The following ZBTB8A variants were observed in gnomAD, a reference collection of about 807,000 sequenced individuals.
ZBTB8A encodes the protein zinc finger and BTB domain containing 8A.
In ZBTB8A, 19 loss-of-function variants were observed where a neutral mutation model predicts 37.8. The ratio of observed to expected loss-of-function variants is 0.50; its 90% confidence interval spans 0.35 to 0.74. The LOEUF (loss-of-function observed/expected upper bound fraction) is 0.74. Ranked by LOEUF, ZBTB8A falls within the 30% of genes least tolerant of loss-of-function variation. The probability of loss-of-function intolerance (pLI) is 0.01; values close to 1 mark genes in which losing one functional copy is unlikely to be tolerated. For synonymous variants in ZBTB8A, 181 were observed against 185.2 expected, an observed-to-expected ratio of 0.98 and a Z score of 0.19; for missense variants, 394 against 537.8, an observed-to-expected ratio of 0.73 and a Z score of 2.65.
intron 2 of ZBTB8A, among the ~76,000 whole-genome samples, chr1:32,591,172 G>A (rs1038115463): frequency 2.7e-5 from 4 of 150,612 alleles, no homozygotes; most frequent in African/African-American, 4.9e-5. Context: ...GCCTCCCAAA[G>A]TGCTAGGATT....
chr1:32,584,417 C>A (rs572079819), intron 2 of ZBTB8A, among the ~76,000 whole-genome samples: 7 of 150,704 alleles, frequency 4.6e-5, no homozygotes, highest in Non-Finnish European at 8.8e-5. Context: ...CACTAATTTA[C>A]GATTTTTTAA....
intron 1 of ZBTB8A, among the ~76,000 whole-genome samples, chr1:32,541,308 C>A (rs1241885314): frequency 6.6e-6 from 1 of 152,126 alleles, no homozygotes; most frequent in Non-Finnish European, 1.5e-5. Flanking sequence ...ATCTGCTTTC[C>A]CTTTCTGACT....
In ZBTB8A at chr1:32,603,988, T is replaced by C. The variant is rs779132057; in HGVS notation, c.*3569T>C. Reference sequence around the variant, plus strand: ...TCTATTGATGATTGAGAAAATTGAATTCTTTGGTTTTTACATGTGGGCAAA... The same window carrying C: ...TCTATTGATGATTGAGAAAATTGAACTCTTTGGTTTTTACATGTGGGCAAA... On this transcript the variant is annotated 3_prime_UTR_variant, in exon 5 of 5. Coordinates refer to ENST00000373510, the MANE Select transcript of ZBTB8A (RefSeq NM_001040441.3). 3.9e-5 allele frequency: 6 copies of C among 152,338 alleles called. 1 individual carries two copies. The highest frequency in any genetic ancestry group is 6.8e-3 in the Middle Eastern group (2 of 294). 9.4% of individuals were successfully genotyped at this position (152,338 alleles called of 1,614,324 possible). A position where few individuals can be genotyped will look rare whatever the true frequency, so the allele number is the denominator to read the frequency against.
At chr1:32,573,661 T>C (rs1420860853) in intron 2 of ZBTB8A, among the ~76,000 whole-genome samples, 1 of 146,676 alleles carries the variant, frequency 6.8e-6, no homozygotes, top group African/African-American at 2.5e-5. Context: ...CTCGAACTCC[T>C]GGGCTCAAGT....
intron 2 of ZBTB8A, among the ~76,000 whole-genome samples, chr1:32,584,812 G>T (rs901996308): frequency 6.6e-6 from 1 of 150,886 alleles, no homozygotes; most frequent in African/African-American, 2.4e-5. Context: ...AAGCCACCAT[G>T]CCCAGCCTAA....
At chr1:32,569,983 T>C (rs1468466162) in intron 2 of ZBTB8A, among the ~76,000 whole-genome samples, 2 of 152,290 alleles carry the variant, frequency 1.3e-5, no homozygotes, top group African/African-American at 4.8e-5. Context: ...AAAGACTTTC[T>C]CCTTTGTTTT....
chr1:32,543,273 C>T (rs748557041), intron 1 of ZBTB8A, among the ~76,000 whole-genome samples: 11 of 151,990 alleles, frequency 7.2e-5, no homozygotes, highest in Admixed American at 2.0e-4. Flanking sequence ...TTAGTAGAGA[C>T]GGGGTTTCAC....
intron 2 of ZBTB8A, among the ~76,000 whole-genome samples, chr1:32,571,959 AG>A (rs1282005890): frequency 6.6e-6 from 1 of 151,868 alleles, no homozygotes; most frequent in African/African-American, 2.4e-5. Context: ...GCTAGAGTGC[AG>A]TGGAACAATC....
chr1:32,560,615 CTTTTTTTTTTTT>C (rs1170510859), intron 2 of ZBTB8A, among the ~76,000 whole-genome samples: 7 of 90,806 alleles, frequency 7.7e-5, no homozygotes, highest in Non-Finnish European at 1.2e-4. Flanking sequence ...TCTTTTCTTT[CTTTTTTTTTTTT>C]TTTTTTTTTT....
chr1:32,598,097 T>A (rs986516416), intron 4 of ZBTB8A, among the ~76,000 whole-genome samples: 36 of 151,888 alleles, frequency 2.4e-4, no homozygotes, highest in African/African-American at 8.7e-4. Context: ...CAGAATTCAT[T>A]CAAATCATGT....
chr1:32,556,177 G>A (rs1304734649), intron 2 of ZBTB8A, among the ~76,000 whole-genome samples: 15 of 152,064 alleles, frequency 9.9e-5, no homozygotes, highest in East Asian at 3.9e-4. Flanking sequence ...GGGTTCAAGC[G>A]ATTCTCCTGC....
Position 32,564,003 on chromosome 1 carries a change from G to A in ZBTB8A, c.-2+10463G>A, listed in dbSNP as rs553913924. On this transcript the variant is annotated intron_variant, in intron 2 of 4. Transcript: ENST00000373510. ...ATGCAAAATTGATACTGAGATGCCA[G>A]CAAGGTCATTTTATCTCAGTTTTGC... is the stretch of plus-strand genomic sequence containing the variant. Among the ~76,000 whole-genome samples the A allele has an allele frequency of 8.7e-4, 133 of 152,290 alleles. 1 individual carries two copies. Among genetic ancestry groups the A allele is most frequent in the African/African-American group, 3.0e-3 (126 of 41,580 alleles).
chr1:32,560,873 A>G (rs1263837118), intron 2 of ZBTB8A, among the ~76,000 whole-genome samples: 23 of 151,616 alleles, frequency 1.5e-4, no homozygotes, highest in African/African-American at 4.6e-4. Context: ...TGATCTGCCC[A>G]CCTTGGCCTC....
rs1281039881 is a variant in ZBTB8A at position 32,600,474 on chromosome 1, ATC to A, written c.*63_*64del. The A allele has an allele frequency of 5.3e-6, 7 of 1,312,506 alleles. No homozygotes were observed. Among genetic ancestry groups the A allele is most frequent in the South Asian group, 1.3e-5 (1 of 74,294 alleles). The allele number at this position is 1,312,506 out of a possible 1,614,324, so 81.3% of individuals were successfully genotyped here. A position where few individuals can be genotyped will look rare whatever the true frequency, so the allele number is the denominator to read the frequency against. On this transcript the variant is annotated 3_prime_UTR_variant, in exon 5 of 5. Transcript: ENST00000373510. ...TCTGCAATTTACATTGACTTCCTGTATCTCTCTCTTTCTATGGTCGGAGTCTA... is the reference window on the plus strand; with the variant it reads ...TCTGCAATTTACATTGACTTCCTGTATCTCTCTTTCTATGGTCGGAGTCTA...
chr1:32,597,736 C>G (rs1209406274), intron 4 of ZBTB8A, among the ~76,000 whole-genome samples: 1 of 152,016 alleles, frequency 6.6e-6, no homozygotes, highest in Non-Finnish European at 1.5e-5. Flanking sequence ...ATTTGATACC[C>G]ATAGTTTTGT....
rs529556804 is a variant in ZBTB8A, at chr1:32,602,934, T to G, written c.*2515T>G. ...TATTTTCTCTTGTTCTTTCATTAAT[T>G]ATTGTCCTTGATACCAATTTCTAGG... On this transcript the variant is annotated 3_prime_UTR_variant, in exon 5 of 5. Transcript: ENST00000373510. 6.6e-6 allele frequency: 1 copy of G among 152,346 alleles called. No individual in the cohort carries two copies. The highest frequency in any genetic ancestry group is 2.4e-5 in the African/African-American group (1 of 41,586). The allele number at this position is 152,346 out of a possible 1,614,324, so 9.4% of individuals were successfully genotyped here.
At chr1:32,562,666 T>C (rs1353686684) in intron 2 of ZBTB8A, among the ~76,000 whole-genome samples, 3 of 141,978 alleles carry the variant, frequency 2.1e-5, no homozygotes, top group Non-Finnish European at 4.6e-5. Flanking sequence ...AATCTCCACC[T>C]CGCTGATTCA....
chr1:32,595,846 T>G (rs1164048362), intron 4 of ZBTB8A, among the ~76,000 whole-genome samples: 1 of 151,752 alleles, frequency 6.6e-6, no homozygotes, highest in Non-Finnish European at 1.5e-5. Context: ...TTTGTAGAGA[T>G]GGGGTTTCAT....
rs1644589654 is a variant in ZBTB8A at position 32,603,115 on chromosome 1, A to G, written c.*2696A>G. Reference sequence around the variant, plus strand: ...GCATTGAGTTCTCTGTTCTCCCAACATGGCTGTTCCTAAATCAGGATTCTG... The same window carrying G: ...GCATTGAGTTCTCTGTTCTCCCAACGTGGCTGTTCCTAAATCAGGATTCTG... On this transcript the variant is annotated 3_prime_UTR_variant, in exon 5 of 5. Transcript: ENST00000373510. The G allele has an allele frequency of 2.0e-5, 3 of 152,234 alleles. No homozygotes were observed. The highest frequency in any genetic ancestry group is 4.1e-4 in the South Asian group (2 of 4,822). 9.4% of individuals were successfully genotyped at this position (152,234 alleles called of 1,614,324 possible).
Sources: gnomAD v4.1 joint callset for allele counts (sites outside exome capture counted in the v4.1 genomes callset) on GRCh38, gnomAD v4.1.1 for gene constraint, MANE v1.5 for transcripts, NCBI Gene and HGNC (gene_info 2026-07-23, HGNC 2026-07-21) for gene names.